The following RBM46 variants were observed in gnomAD, a reference collection of about 807,000 sequenced individuals.
RBM46 encodes RNA binding motif protein 46.
RBM46 carries 12 observed loss-of-function variants against 43.3 expected under a neutral mutation model. That is an observed-to-expected ratio of 0.28 (90% CI 0.18 to 0.45). RBM46 has a LOEUF of 0.45. Among genes scored for constraint, RBM46 ranks in the 20% least tolerant of loss-of-function variants. The pLI, the probability that RBM46 is intolerant of heterozygous loss-of-function variation, is 1.00. For missense variants in RBM46, 412 were observed against 639.1 expected (o/e 0.64, Z 3.83); for synonymous variants, 205 against 207.6 (o/e 0.99, Z 0.11).
intron 1 of RBM46, among the ~76,000 whole-genome samples, chr4:154,782,285 T>C (rs1733525774): frequency 6.6e-6 from 1 of 152,222 alleles, no homozygotes; most frequent in Admixed American, 6.5e-5. Context: ...GGCGTTGATA[T>C]TCTGAGATAT....
intron 1 of RBM46, among the ~76,000 whole-genome samples, chr4:154,793,983 G>A (rs1734225252): frequency 6.6e-6 from 1 of 152,060 alleles, no homozygotes; most frequent in South Asian, 2.1e-4. Context: ...TCTACTCAGT[G>A]TTCATCTCTT....
intron 4 of RBM46, chr4:154,826,935 C>T: frequency 7.7e-7 from 1 of 1,306,768 alleles, no homozygotes; most frequent in Non-Finnish European, 9.7e-7. Flanking sequence ...ATTAGATGAC[C>T]TAATTTCTTT....
rs1370732120 is a variant in RBM46 at position 154,796,795 on chromosome 4, G to T, written c.43G>T (p.Val15Phe). 4 of 1,613,266 alleles carry T rather than the reference G, an allele frequency of 2.5e-6. No individual in the cohort carries two copies. The highest frequency in any genetic ancestry group is 1.6e-4 in the Middle Eastern group (1 of 6,082). ...NIDGTNGCSK[V>F]RTGIQNEAAL... The stretch of plus-strand genomic sequence containing the variant: ...AGATGGAACAAATGGATGCAGTAAA[G>T]TTCGAACTGGTATTCAGAATGAAGC... The change falls in exon 2 of 5, where the codon GTT becomes TTT. Residue 15 changes from valine to phenylalanine, a missense_variant. Physicochemically the swap from Val to Phe is conservative, Grantham distance 50. Around this residue, in one of 8 missense-constraint regions of RBM46, gnomAD observed 23 missense variants for 22.9 expected, o/e 1.00. Transcript: ENST00000281722.
intron 3 of RBM46, 98 bp from the exon 4 acceptor site, chr4:154,798,684 G>A: frequency 2.1e-6 from 2 of 957,980 alleles, no homozygotes; most frequent in South Asian, 2.6e-5. Flanking sequence ...TTGATGTGTA[G>A]TTGAGTTTCT....
intron 4 of RBM46, among the ~76,000 whole-genome samples, chr4:154,823,469 ATT>A (rs1364445386): frequency 1.1e-4 from 16 of 152,026 alleles, no homozygotes; most frequent in Non-Finnish European, 1.5e-4. Context: ...TAAATGAAAA[ATT>A]AGTCTAAAGA....
chr4:154,815,759 A>T (rs1486080844), intron 4 of RBM46, among the ~76,000 whole-genome samples: 1 of 152,002 alleles, frequency 6.6e-6, no homozygotes, highest in Non-Finnish European at 1.5e-5. Flanking sequence ...GTATGTTTTG[A>T]AACATAGAAG....
chr4:154,793,084 A>G (rs1239518647), intron 1 of RBM46, among the ~76,000 whole-genome samples: 1 of 152,230 alleles, frequency 6.6e-6, no homozygotes, highest in Non-Finnish European at 1.5e-5. Flanking sequence ...ATGAATGTGT[A>G]CATGTATATC....
rs370120156 is a variant in RBM46, at chr4:154,827,999, A to G, written c.1534A>G (p.Ile512Val). 2.6e-5 allele frequency: 42 copies of G among 1,613,888 alleles called. No homozygotes were observed. The highest frequency in any genetic ancestry group is 1.7e-4 in the Admixed American group (10 of 59,982). ...TCCAGGCTATCCTTTGTCACCAACA[A>G]TATCACTTGCTAATGGCAGCCATGT... ...SYPGYPLSPT[I>V]SLANGSHVGQ... Residue 512 changes from isoleucine (I) to valine (V), a missense_variant, in exon 5 of 5, where the codon ATA (isoleucine) becomes GTA (valine). Physicochemically the swap from Ile to Val is conservative, Grantham distance 29. Around this residue, in one of 8 missense-constraint regions of RBM46, gnomAD observed 149 missense variants for 156.3 expected, o/e 0.95. Coordinates refer to ENST00000281722, the MANE Select transcript of RBM46 (RefSeq NM_144979.5).
intron 4 of RBM46, among the ~76,000 whole-genome samples, chr4:154,803,417 T>C (rs1436312755): frequency 6.6e-6 from 1 of 152,076 alleles, no homozygotes; most frequent in African/African-American, 2.4e-5. Flanking sequence ...AAAGAAATTA[T>C]GGGCTGGGCG....
At chr4:154,784,323 G>T (rs1358473558) in intron 1 of RBM46, among the ~76,000 whole-genome samples, 1 of 152,010 alleles carries the variant, frequency 6.6e-6, no homozygotes, top group African/African-American at 2.4e-5. Context: ...TTAATGTTTT[G>T]CTTAAATTGT....
chr4:154,797,636 T>TA lies in RBM46; in HGVS notation c.152-174dup, dbSNP rs558488769. Among the ~76,000 whole-genome samples the TA allele has an allele frequency of 3.2e-3, 484 of 152,322 alleles. 1 individual carries two copies. The highest frequency in any genetic ancestry group is 4.6e-3 in the Admixed American group (71 of 15,300). On this transcript the variant is annotated intron_variant, in intron 2 of 4. Coordinates refer to ENST00000281722, the MANE Select transcript of RBM46 (RefSeq NM_144979.5). ...CCACTCACTTGTTATCTCCCTTCTC[T>TA]ATTGAATATTAGCTTCATAAGGGAA...
At chr4:154,814,189 A>G (rs1735317651) in intron 4 of RBM46, among the ~76,000 whole-genome samples, 1 of 152,008 alleles carries the variant, frequency 6.6e-6, no homozygotes, top group Non-Finnish European at 1.5e-5. Flanking sequence ...TACCCATTTT[A>G]CAGAGAGGTG....
intron 4 of RBM46, among the ~76,000 whole-genome samples, chr4:154,813,700 A>G (rs1342621975): frequency 1.3e-5 from 2 of 152,018 alleles, no homozygotes; most frequent in East Asian, 3.9e-4. Flanking sequence ...ATACTTTTAT[A>G]TTCTTCTACA....
intron 1 of RBM46, among the ~76,000 whole-genome samples, chr4:154,794,692 T>G (rs1160437815): frequency 6.6e-6 from 1 of 152,140 alleles, no homozygotes; most frequent in Non-Finnish European, 1.5e-5. Flanking sequence ...GTTTCTCCAT[T>G]TGTATGGGAT....
chr4:154,821,502 A>G (rs1735721751), intron 4 of RBM46, among the ~76,000 whole-genome samples: 1 of 151,836 alleles, frequency 6.6e-6, no homozygotes, highest in Non-Finnish European at 1.5e-5. Context: ...ATAGCTTAGA[A>G]AGTAGCACCA....
At chr4:154,819,143 T>G (rs1236088787) in intron 4 of RBM46, among the ~76,000 whole-genome samples, 1 of 152,214 alleles carries the variant, frequency 6.6e-6, no homozygotes, top group Non-Finnish European at 1.5e-5. Context: ...GGAGACAATT[T>G]GAAGGCTAGC....
chr4:154,789,089 G>T lies in RBM46; in HGVS notation c.-12+7653G>T, dbSNP rs192972717. Among the ~76,000 whole-genome samples the T allele has an allele frequency of 3.8e-3, 571 of 152,258 alleles. 3 individuals are homozygous for T. Among genetic ancestry groups the T allele is most frequent in the Middle Eastern group, 0.014 (4 of 294 alleles). ...GGAGATTTTGGGCTGAGACAATGGG[G>T]TTTTACAAATATACAATCATGTCAT... On this transcript the variant is annotated intron_variant, in intron 1 of 4. Coordinates refer to ENST00000281722, the MANE Select transcript of RBM46 (RefSeq NM_144979.5).
intron 4 of RBM46, among the ~76,000 whole-genome samples, chr4:154,802,376 C>T (rs1053349696): frequency 1.3e-5 from 2 of 152,174 alleles, no homozygotes; most frequent in Non-Finnish European, 2.9e-5. Context: ...TGAGGAGGTT[C>T]TATGTTGCCA....
At chr4:154,798,413 A>G (rs1055217428) in intron 3 of RBM46, 135 bp downstream of exon 3, 7 of 616,118 alleles carry the variant, frequency 1.1e-5, no homozygotes, top group Non-Finnish European at 1.9e-5. Context: ...AATGAAGTAA[A>G]ATAAATTACA....
Sources: allele counts gnomAD v4.1 joint callset (sites outside exome capture counted in the v4.1 genomes callset), GRCh38; gene constraint gnomAD v4.1.1; regional missense constraint gnomAD v4.1.1; transcripts MANE v1.5; gene names NCBI Gene and HGNC (gene_info 2026-07-23, HGNC 2026-07-21).